UGT3A2: variants seen among roughly 807,000 people sequenced by gnomAD.
The protein encoded by UGT3A2 is UDP glycosyltransferase family 3 member A2, also known as UDP-glycosyltransferase 3A2.
A neutral mutation model predicts 39.8 loss-of-function variants in UGT3A2; 32 were observed. The observed-to-expected ratio is 0.80, with a 90% CI of 0.61 to 1.08. The LOEUF is 1.08. Ranked by LOEUF, UGT3A2 falls within the 50% of genes least tolerant of loss-of-function variation. The pLI is 0.00. For missense variants in UGT3A2, 611 were observed against 637.1 expected (o/e 0.96, Z 0.44); for synonymous variants, 241 against 230.7 (o/e 1.04, Z -0.40).
intron 2 of UGT3A2, among the ~76,000 whole-genome samples, chr5:36,063,990 CATA>C (rs1486849103): frequency 6.6e-6 from 1 of 151,898 alleles, no homozygotes; most frequent in African/African-American, 2.4e-5. Flanking sequence ...TAAAATAATC[CATA>C]ATAATGAGTG....
chr5:36,041,781 C>G (rs1742014781), intron 4 of UGT3A2, among the ~76,000 whole-genome samples: 1 of 152,130 alleles, frequency 6.6e-6, no homozygotes, highest in Non-Finnish European at 1.5e-5. Context: ...TCAAGAAGGA[C>G]AGGTACAAAC....
intron 2 of UGT3A2, among the ~76,000 whole-genome samples, chr5:36,058,564 A>G (rs1033165231): frequency 3.9e-5 from 6 of 152,110 alleles, no homozygotes; most frequent in African/African-American, 1.4e-4. Flanking sequence ...GTGATTAGGC[A>G]AATCTGAAGC....
rs772287712 is a variant in UGT3A2 at position 36,035,927 on chromosome 5, G to C, written c.1343C>G (p.Pro448Arg). The C allele has an allele frequency of 2.5e-6, 4 of 1,614,192 alleles. No homozygotes were observed. The highest frequency in any genetic ancestry group is 1.7e-5 in the Admixed American group (1 of 60,032). Reference sequence around the variant, plus strand: ...CACCAGCCGCTGTGTGGGGCTGAGCGGGTGGGAGCGCAGGATGACACTGGC... The same window carrying C: ...CACCAGCCGCTGTGTGGGGCTGAGCCGGTGGGAGCGCAGGATGACACTGGC... ...VAASVILRSH[P>R]LSPTQRLVGW... Residue 448 changes from proline (P) to arginine (R), a missense_variant, in exon 7 of 7, where the codon CCG becomes CGG. Transcript: ENST00000282507.
chr5:36,059,787 C>T lies in UGT3A2; in HGVS notation c.196+4462G>A, dbSNP rs538746568. ...GAGCAGATGCTTCAGCAACAGCATG[C>T]CTCCTGGCTACAGCTACAAAAACCT... On this transcript the variant is annotated intron_variant, in intron 2 of 6. Coordinates refer to ENST00000282507, the MANE Select transcript of UGT3A2 (RefSeq NM_174914.4). Among the ~76,000 whole-genome samples, 3 of 152,326 alleles carry T rather than the reference C, an allele frequency of 2.0e-5. No individual in the cohort carries two copies. In the East Asian group the frequency reaches 5.8e-4, roughly 29 times the overall value.
chr5:36,036,053 C>A (rs1741818381), intron 6 of UGT3A2, 79 bp from the exon 7 acceptor site: 2 of 1,517,300 alleles, frequency 1.3e-6, no homozygotes, highest in Non-Finnish European at 1.8e-6. Flanking sequence ...CTATATGATG[C>A]ACCAAAGACT....
rs1016948357 is a variant in UGT3A2 at position 36,049,207 on chromosome 5, A to C, written c.525T>G (p.Phe175Leu). Reference protein sequence around the residue: ...ILSTSFGSLEFGLPIPLSYVP... With the variant: ...ILSTSFGSLELGLPIPLSYVP... ...CATAAGACAAGGGGATTGGTAGCCC[A>C]AATTCCAAAGAGCCGAATGAAGTGG... The change falls in exon 4 of 7, where the codon TTT becomes TTG. Residue 175 changes from phenylalanine to leucine, a missense_variant. Coordinates refer to ENST00000282507, the MANE Select transcript of UGT3A2 (RefSeq NM_174914.4). The C allele has an allele frequency of 1.9e-6, 3 of 1,614,064 alleles. No individual in the cohort carries two copies. The African/African-American group carries it at 4.0e-5, about 22-fold the overall frequency.
intron 2 of UGT3A2, among the ~76,000 whole-genome samples, chr5:36,052,974 T>C (rs1378955605): frequency 6.6e-6 from 1 of 152,230 alleles, no homozygotes; most frequent in African/African-American, 2.4e-5. Flanking sequence ...TTTTTTTCCA[T>C]GCTGATTTTA....
chr5:36,045,181 A>G (rs1179836780), intron 4 of UGT3A2, among the ~76,000 whole-genome samples: 1 of 152,154 alleles, frequency 6.6e-6, no homozygotes, highest in African/African-American at 2.4e-5. Flanking sequence ...CAATAAATCC[A>G]TACATCTGCG....
rs1200248101 is a variant in UGT3A2 at position 36,035,757 on chromosome 5, T to G, written c.1513A>C (p.Lys505Gln). 1 of 1,613,880 alleles carries G rather than the reference T, an allele frequency of 6.2e-7. No individual in the cohort carries two copies. Among genetic ancestry groups the G allele is most frequent in the Non-Finnish European group, 8.5e-7 (1 of 1,180,012 alleles). Residue 505 changes from lysine (K) to glutamine (Q), a missense_variant, in exon 7 of 7, where the codon AAG becomes CAG. By Grantham distance (53) the Lys-to-Gln change is moderately conservative (BLOSUM62 1). Coordinates refer to ENST00000282507, the MANE Select transcript of UGT3A2 (RefSeq NM_174914.4). ...CACCAGACAGCCATGCCCAGCAGCT[T>G]CCCACAAAGCCATAGAGTCCCCAGA... ...LTLGTLWLCG[K>Q]LLGMAVWWLR...
chr5:36,053,621 G>C (rs1007130775), intron 2 of UGT3A2, among the ~76,000 whole-genome samples: 1 of 152,160 alleles, frequency 6.6e-6, no homozygotes, highest in Non-Finnish European at 1.5e-5. Context: ...ACCTATCATG[G>C]CTGTTTCAGT....
Position 36,039,596 on chromosome 5 carries a change from G to T in UGT3A2, c.956C>A (p.Ala319Asp), listed in dbSNP as rs778791486. The T allele has an allele frequency of 6.2e-7, 1 of 1,614,162 alleles. No homozygotes were observed. The highest frequency in any genetic ancestry group is 2.2e-5 in the East Asian group (1 of 44,864). The part of the protein sequence containing the change: ...NPEIFKEMNN[A>D]FAHLPQGVIW... ...CACCCCTTGGGGTAGGTGAGCAAAG[G>T]CATTGTTCATCTCCTTGAAGATTTC... The change falls in exon 5 of 7, where the codon GCC becomes GAC. Residue 319 changes from alanine (A) to aspartate (D), a missense_variant. Ala to Asp is a moderately radical substitution (Grantham distance 126). Coordinates refer to ENST00000282507, the MANE Select transcript of UGT3A2 (RefSeq NM_174914.4).
At chr5:36,060,165 G>T (rs1244613937) in intron 2 of UGT3A2, among the ~76,000 whole-genome samples, 1 of 152,222 alleles carries the variant, frequency 6.6e-6, no homozygotes, top group Non-Finnish European at 1.5e-5. Flanking sequence ...ATGGTTTCCT[G>T]TGCATCTGTA....
At chr5:36,060,899 T>C (rs1366810487) in intron 2 of UGT3A2, among the ~76,000 whole-genome samples, 1 of 152,214 alleles carries the variant, frequency 6.6e-6, no homozygotes, top group African/African-American at 2.4e-5. Context: ...CTCACACCTG[T>C]AATCCCAGCA....
chr5:36,050,473 C>T (rs566984441), intron 3 of UGT3A2, among the ~76,000 whole-genome samples: 3 of 152,332 alleles, frequency 2.0e-5, no homozygotes, highest in South Asian at 2.1e-4. Flanking sequence ...TAGAGAAGGT[C>T]CCTCACTAGT....
At chr5:36,054,001 C>T (rs527750113) in intron 2 of UGT3A2, among the ~76,000 whole-genome samples, 1 of 152,326 alleles carries the variant, frequency 6.6e-6, no homozygotes, top group Admixed American at 6.5e-5. Context: ...TTGGGCCACA[C>T]ATAAAATACA....
intron 3 of UGT3A2, among the ~76,000 whole-genome samples, chr5:36,050,261 G>A (rs1179196514): frequency 2.6e-5 from 4 of 152,064 alleles, no homozygotes; most frequent in Non-Finnish European, 5.9e-5. Context: ...TATGCAAAGG[G>A]ACGATTCTTT....
Position 36,039,491 on chromosome 5 carries a change from T to C in UGT3A2, c.1061A>G (p.Gln354Arg), listed in dbSNP as rs187512898. The C allele has an allele frequency of 1.3e-5, 21 of 1,614,082 alleles. No individual in the cohort carries two copies. The Admixed American group carries it at 3.3e-4, about 26-fold the overall frequency. Residue 354 changes from glutamine (Q) to arginine (R), a missense_variant, in exon 5 of 7, where the codon CAG becomes CGG. By Grantham distance (43) the Gln-to-Arg change is conservative. Coordinates refer to ENST00000282507, the MANE Select transcript of UGT3A2 (RefSeq NM_174914.4). Reference sequence around the variant, plus strand: ...GCAGCCCTTACCCAGGAGGTCACTCTGAGGAAGCCAGTCCACAATTTTCAC... The same window carrying C: ...GCAGCCCTTACCCAGGAGGTCACTCCGAGGAAGCCAGTCCACAATTTTCAC... ...ANVKIVDWLPQSDLLAHPSIR... is the reference protein window; with the variant it reads ...ANVKIVDWLPRSDLLAHPSIR...
At position 36,066,620 on chromosome 5, in the gene UGT3A2, G is replaced by T. The variant is rs1742886709; in HGVS notation, c.94+76C>A. On this transcript the variant is annotated intron_variant, in intron 1 of 6. Coordinates refer to ENST00000282507, the MANE Select transcript of UGT3A2 (RefSeq NM_174914.4). ...AAATCACGTGGATGACTCTGATCAAGCGCTGTTCTCTGGAGCCCTGGCAGT... is the reference window on the plus strand; with the variant it reads ...AAATCACGTGGATGACTCTGATCAATCGCTGTTCTCTGGAGCCCTGGCAGT... The T allele has an allele frequency of 2.5e-6, 4 of 1,604,438 alleles. No individual in the cohort carries two copies. In the African/African-American group the frequency reaches 5.4e-5, roughly 21 times the overall value.
At chr5:36,059,720 A>G (rs569687636) in intron 2 of UGT3A2, among the ~76,000 whole-genome samples, 32 of 152,344 alleles carry the variant, frequency 2.1e-4, no homozygotes, top group African/African-American at 6.7e-4. Context: ...TTTACCCCGC[A>G]GCAATTAACC....
Sources: gnomAD v4.1 joint callset for allele counts (sites outside exome capture counted in the v4.1 genomes callset) on GRCh38, gnomAD v4.1.1 for gene constraint, MANE v1.5 for transcripts, NCBI Gene and HGNC (gene_info 2026-07-23, HGNC 2026-07-21) for gene names.